Variants in UGGT1 observed in about 807,000 individuals in gnomAD.
The protein encoded by UGGT1 is UDP-glucose:glycoprotein glucosyltransferase 1.
A neutral mutation model predicts 203.9 loss-of-function variants in UGGT1; 107 were observed. The ratio of observed to expected loss-of-function variants is 0.52; its 90% confidence interval spans 0.45 to 0.62. UGGT1 has a LOEUF of 0.62. Among genes scored for constraint, UGGT1 ranks in the 20% least tolerant of loss-of-function variants. The pLI is 0.00. For synonymous variants in UGGT1, 628 were observed against 653.5 expected (o/e 0.96, Z 0.59); for missense variants, 1,673 against 1,867.2 (o/e 0.90, Z 1.92).
chr2:128,163,604 A>G (rs1690638927), intron 25 of UGGT1, among the ~76,000 whole-genome samples: 1 of 151,836 alleles, frequency 6.6e-6, no homozygotes, highest in South Asian at 2.1e-4. Flanking sequence ...GATCCCAGCT[A>G]CTCAGGAGGC....
At chr2:128,131,486 G>A (rs1688874870) in intron 13 of UGGT1, among the ~76,000 whole-genome samples, 1 of 152,064 alleles carries the variant, frequency 6.6e-6, no homozygotes, top group African/African-American at 2.4e-5. Context: ...TTGTGGACAT[G>A]AAGTTGTTTC....
rs374345386 is a variant in UGGT1, at chr2:128,113,196, C to T, written c.634C>T (p.Arg212Cys). Reference sequence around the variant, plus strand: ...CTCTGAGGAATTTTCCAATTTTCACCGCCAGCTTATATCAAAAAGCAATGC... The same window carrying T: ...CTCTGAGGAATTTTCCAATTTTCACTGCCAGCTTATATCAAAAAGCAATGC... ...IGSEEFSNFH[R>C]QLISKSNAGK... The change falls in exon 6 of 41, where the codon CGC (arginine) becomes TGC (cysteine). Residue 212 changes from arginine to cysteine, a missense_variant. Around this residue, in one of 4 missense-constraint regions of UGGT1, gnomAD observed 1,073 missense variants for 1,078.7 expected, o/e 0.99. Coordinates refer to ENST00000259253, the MANE Select transcript of UGGT1 (RefSeq NM_020120.4). 19 of 1,612,824 alleles carry T rather than the reference C, an allele frequency of 1.2e-5. No homozygotes were observed. Among genetic ancestry groups the T allele is most frequent in the African/African-American group, 8.0e-5 (6 of 74,812 alleles).
chr2:128,177,533 C>T (rs189076685), intron 32 of UGGT1, among the ~76,000 whole-genome samples: 110 of 151,082 alleles, frequency 7.3e-4, no homozygotes, highest in Admixed American at 1.6e-3. Flanking sequence ...CTCATTGAAT[C>T]GTGCTTCTGG....
At position 128,170,370 on chromosome 2, in the gene UGGT1, A is replaced by G; in HGVS notation, c.3004A>G (p.Arg1002Gly). Residue 1002 changes from arginine to glycine, a missense_variant, in exon 27 of 41, where the codon AGA (arginine) becomes GGA (glycine). By Grantham distance (125) the Arg-to-Gly change is moderately radical. Transcript: ENST00000259253. Reference sequence around the variant, plus strand: ...TGACCCTGTCACCAGAGAAGCACAGAGACTTGCTCCTTTGCTCTTGGTAGG... The same window carrying G: ...TGACCCTGTCACCAGAGAAGCACAGGGACTTGCTCCTTTGCTCTTGGTAGG... Reference protein sequence around the residue: ...VVDPVTREAQRLAPLLLVLAQ... With the variant: ...VVDPVTREAQGLAPLLLVLAQ... The G allele has an allele frequency of 1.2e-6, 2 of 1,614,144 alleles. No individual in the cohort carries two copies. Among genetic ancestry groups the G allele is most frequent in the Non-Finnish European group, 1.7e-6 (2 of 1,179,954 alleles).
At chr2:128,133,463 A>G (rs796294956) in intron 14 of UGGT1, among the ~76,000 whole-genome samples, 30 of 152,344 alleles carry the variant, frequency 2.0e-4, no homozygotes, top group African/African-American at 7.2e-4. Context: ...CAGGAGCATT[A>G]CAGCCCCCCT....
At chr2:128,115,049 A>T in intron 6 of UGGT1, 75 bp from the exon 7 acceptor site, 2 of 1,332,922 alleles carry the variant, frequency 1.5e-6, no homozygotes, top group Non-Finnish European at 2.1e-6. Flanking sequence ...ATGCAACATT[A>T]ACATGGTCAT....
chr2:128,176,433 A>ATT (rs1691387766), intron 31 of UGGT1, among the ~76,000 whole-genome samples: 2 of 141,382 alleles, frequency 1.4e-5, no homozygotes, highest in African/African-American at 5.2e-5. Flanking sequence ...AAAAAAAAAG[A>ATT]GCGGAGGCAG....
rs1247705676 is a variant in UGGT1, at chr2:128,155,600, A to G, written c.2236+13A>G. 1 of 1,597,188 alleles carries G rather than the reference A, an allele frequency of 6.3e-7. No homozygotes were observed. The highest frequency in any genetic ancestry group is 1.7e-5 in the Admixed American group (1 of 57,912). The stretch of plus-strand genomic sequence containing the variant: ...CTGACAAAGAAAGGTAATCCATTTG[A>G]GGCTTATTATCTTGCATTCAACATT... On this transcript the variant is annotated intron_variant, in intron 20 of 40. Coordinates refer to ENST00000259253, the MANE Select transcript of UGGT1 (RefSeq NM_020120.4).
chr2:128,146,144 A>G lies in UGGT1; in HGVS notation c.2016+177A>G, dbSNP rs115357214. Among the ~76,000 whole-genome samples the G allele has an allele frequency of 3.2e-3, 489 of 152,178 alleles. 3 individuals are homozygous for G. Among genetic ancestry groups the G allele is most frequent in the African/African-American group, 0.011 (471 of 41,530 alleles). On this transcript the variant is annotated intron_variant, in intron 18 of 40. Coordinates refer to ENST00000259253, the MANE Select transcript of UGGT1 (RefSeq NM_020120.4). Reference sequence around the variant, plus strand: ...GGCAATATGGCAAGACCCCATTTCTAAAAAAGAAATTAAAAAATTAGCTAG... The same window carrying G: ...GGCAATATGGCAAGACCCCATTTCTGAAAAAGAAATTAAAAAATTAGCTAG...
In UGGT1 at chr2:128,187,437, T is replaced by C. The variant is rs1227323555; in HGVS notation, c.4477-12T>C. On this transcript the variant is annotated splice_polypyrimidine_tract_variant and intron_variant, in intron 39 of 40. Transcript: ENST00000259253. The stretch of plus-strand genomic sequence containing the variant: ...TTCAACTCAGCTGAAGTGTGTTCTT[T>C]TGGTTTCACAGTGTAATAATCCGAT... The C allele has an allele frequency of 6.2e-7, 1 of 1,610,658 alleles. No homozygotes were observed. The highest frequency in any genetic ancestry group is 8.5e-7 in the Non-Finnish European group (1 of 1,177,566).
chr2:128,163,272 C>T (rs1027936232), intron 25 of UGGT1, among the ~76,000 whole-genome samples: 22 of 136,894 alleles, frequency 1.6e-4, no homozygotes, highest in South Asian at 8.2e-4. Context: ...TTGCTGGGTT[C>T]ATAGGAAATG....
rs1289770566 is a variant in UGGT1, at chr2:128,191,055, A to G, written c.*1313A>G. 6 of 152,308 alleles carry G rather than the reference A, an allele frequency of 3.9e-5. No homozygotes were observed. The highest frequency in any genetic ancestry group is 1.3e-4 in the Admixed American group (2 of 15,288). 9.4% of individuals were successfully genotyped at this position (152,308 alleles called of 1,614,324 possible). On this transcript the variant is annotated 3_prime_UTR_variant, in exon 41 of 41. Transcript: ENST00000259253. ...GCCTAAGTGGGCATGAGGCCCCAGC[A>G]TCCGACTCCATCTGCCAGGCTGCAG...
At chr2:128,182,417 T>A (rs558884641) in intron 37 of UGGT1, 127 bp downstream of exon 37, 1 of 1,246,608 alleles carries the variant, frequency 8.0e-7, no homozygotes, top group African/African-American at 1.5e-5. Flanking sequence ...AAATACACAG[T>A]GGCTGGGTGC....
intron 3 of UGGT1, among the ~76,000 whole-genome samples, chr2:128,106,786 G>A (rs2105353565): frequency 6.6e-6 from 1 of 152,186 alleles, no homozygotes; most frequent in Non-Finnish European, 1.5e-5. Context: ...CTGACCTCGG[G>A]TGATCCACCC....
At chr2:128,107,272 C>G (rs1250807076) in intron 3 of UGGT1, among the ~76,000 whole-genome samples, 1 of 152,014 alleles carries the variant, frequency 6.6e-6, no homozygotes, top group Admixed American at 6.6e-5. Flanking sequence ...GATTTTTTCA[C>G]ATTCGTATTT....
rs769019787 is a variant in UGGT1, at chr2:128,190,090, A to G, written c.*348A>G. ...ACACACATGCTGCACTGTCTCGGAA[A>G]GCAGGGCCAGCTAGAGCCACCATGT... is the stretch of plus-strand genomic sequence containing the variant. On this transcript the variant is annotated 3_prime_UTR_variant, in exon 41 of 41. Coordinates refer to ENST00000259253, the MANE Select transcript of UGGT1 (RefSeq NM_020120.4). The G allele has an allele frequency of 3.5e-5, 7 of 201,024 alleles. No individual in the cohort carries two copies. Among genetic ancestry groups the G allele is most frequent in the African/African-American group, 6.9e-5 (3 of 43,610 alleles). The allele number at this position is 201,024 out of a possible 1,614,324, so 12.5% of individuals were successfully genotyped here.
rs192510800 is a variant in UGGT1, at chr2:128,142,148, C to G, written c.1720-946C>G. ...GTAGGGTTTCAGCATGTTGGCCAGG[C>G]TGTTCTCGAACTCCTGACCTCAAGT... On this transcript the variant is annotated intron_variant, in intron 16 of 40. Coordinates refer to ENST00000259253, the MANE Select transcript of UGGT1 (RefSeq NM_020120.4). Among the ~76,000 whole-genome samples, 28 of 151,944 alleles carry G rather than the reference C, an allele frequency of 1.8e-4. No individual in the cohort carries two copies. The South Asian group carries it at 3.5e-3, about 19-fold the overall frequency.
chr2:128,159,130 T>C (rs963750358), intron 22 of UGGT1, among the ~76,000 whole-genome samples: 16 of 146,874 alleles, frequency 1.1e-4, no homozygotes, highest in African/African-American at 4.0e-4. Context: ...GACGGAGTCT[T>C]ACTCTGTCAT....
chr2:128,161,179 C>T lies in UGGT1; in HGVS notation c.2736C>T (p.Asp912=), dbSNP rs910328555. Residue 912 remains aspartate, a synonymous_variant, in exon 25 of 41, where the codon GAC becomes GAT. Transcript: ENST00000259253. ...AGGATAGTGAGCTCTTTAATCAAGACGATTTCCACCTCCTCGAAAATATCA... is the reference window on the plus strand; with the variant it reads ...AGGATAGTGAGCTCTTTAATCAAGATGATTTCCACCTCCTCGAAAATATCA... ...PLEDSELFNQ[D]DFHLLENIIL... The T allele has an allele frequency of 1.6e-5, 26 of 1,613,862 alleles. No individual in the cohort carries two copies. Among genetic ancestry groups the T allele is most frequent in the South Asian group, 3.3e-5 (3 of 91,072 alleles).
Sources: gnomAD v4.1 joint callset for allele counts (sites outside exome capture counted in the v4.1 genomes callset) on GRCh38, gnomAD v4.1.1 for gene constraint, gnomAD v4.1.1 regional missense constraint, MANE v1.5 for transcripts, NCBI Gene and HGNC (gene_info 2026-07-23, HGNC 2026-07-21) for gene names.